NEMP2: variants seen among roughly 807,000 people sequenced by gnomAD.
NEMP2 encodes the protein UPF0571 transmembrane protein.
NEMP2 carries 53 observed loss-of-function variants against 54.2 expected under a neutral mutation model. That is an observed-to-expected ratio of 0.98 (90% CI 0.78 to 1.23). The LOEUF is 1.23. NEMP2 is among the 50% of genes most tolerant of loss of function. The pLI, the probability that NEMP2 is intolerant of heterozygous loss-of-function variation, is 0.00. For missense variants in NEMP2, 455 were observed against 511.3 expected (o/e 0.89, Z 1.06); for synonymous variants, 197 against 190.3 (o/e 1.04, Z -0.29).
At chr2:190,586,874 A>T in the NEMP2 span, among the ~76,000 whole-genome samples, 1 of 152,214 alleles carries the variant, frequency 6.6e-6, no homozygotes, top group Non-Finnish European at 1.5e-5. The surrounding 1 kb of genome is among the most constrained non-coding windows in gnomAD (Gnocchi z 4.5). Flanking sequence ...TAATCTATTT[A>T]AAAAATATAT....
At chr2:190,601,060 A>G in the NEMP2 span, among the ~76,000 whole-genome samples, 1 of 152,132 alleles carries the variant, frequency 6.6e-6, no homozygotes, top group Non-Finnish European at 1.5e-5. This position sits in a 1 kb window ranked among gnomAD's most constrained non-coding sequence, Gnocchi z 5.8. Flanking sequence ...TAGTACCTCA[A>G]AATGTGACCC....
the NEMP2 span, among the ~76,000 whole-genome samples, chr2:190,594,683 T>G: frequency 6.6e-6 from 1 of 152,202 alleles, no homozygotes; most frequent in African/African-American, 2.4e-5. The surrounding 1 kb of genome is among the most constrained non-coding windows in gnomAD (Gnocchi z 5.6). Context: ...GCCTCCAGCC[T>G]CAGACTCCTG....
the NEMP2 span, among the ~76,000 whole-genome samples, chr2:190,475,154 C>G: frequency 3.3e-5 from 5 of 152,150 alleles, no homozygotes; most frequent in East Asian, 1.9e-4. Flanking sequence ...AAAACTGACA[C>G]AAGACAGGGA....
chr2:190,464,918 G>C, the NEMP2 span: 1 of 980,298 alleles, frequency 1.0e-6, no homozygotes, highest in Non-Finnish European at 1.2e-6. Context: ...TGGGGGTGGG[G>C]GAGGGTGGAT....
chr2:190,602,705 T>C, the NEMP2 span, among the ~76,000 whole-genome samples: 1 of 152,146 alleles, frequency 6.6e-6, no homozygotes, highest in African/African-American at 2.4e-5. Context: ...GCTGAACCAG[T>C]CATTGTGGCC....
the NEMP2 span, among the ~76,000 whole-genome samples, chr2:190,485,939 G>T: frequency 6.6e-6 from 1 of 152,128 alleles, no homozygotes; most frequent in African/African-American, 2.4e-5. This position sits in a 1 kb window ranked among gnomAD's most constrained non-coding sequence, Gnocchi z 5.1. Context: ...TTCCATTATG[G>T]ACTGACTTAA....
rs1387560116 is a variant in NEMP2 at position 190,521,139 on chromosome 2, A to G, written c.214-1956T>C. Among the ~76,000 whole-genome samples, 1 of 152,130 alleles carries G rather than the reference A, an allele frequency of 6.6e-6. No homozygotes were observed. Among genetic ancestry groups the G allele is most frequent in the African/African-American group, 2.4e-5 (1 of 41,408 alleles). The stretch of plus-strand genomic sequence containing the variant: ...AAAGTTGCAGTCATTCATACCACAT[A>G]TTACTATTCATTCATTCTTCCACCC... On this transcript the variant is annotated intron_variant, in intron 2 of 8. Coordinates refer to ENST00000409150, the MANE Select transcript of NEMP2 (RefSeq NM_001142645.2). This position sits in a 1 kb window ranked among gnomAD's most constrained non-coding sequence, Gnocchi z 6.2.
At chr2:190,592,883 C>A in the NEMP2 span, among the ~76,000 whole-genome samples, 2 of 152,138 alleles carry the variant, frequency 1.3e-5, no homozygotes, top group Non-Finnish European at 2.9e-5. The surrounding 1 kb of genome is among the most constrained non-coding windows in gnomAD (Gnocchi z 4.4). Context: ...GTAATTAATT[C>A]AAAATGTAAA....
At chr2:190,577,106 G>A in the NEMP2 span, among the ~76,000 whole-genome samples, 1 of 152,332 alleles carries the variant, frequency 6.6e-6, no homozygotes, top group Admixed American at 6.5e-5. The surrounding 1 kb of genome is among the most constrained non-coding windows in gnomAD (Gnocchi z 4.8). Context: ...GAATCAGTAA[G>A]TCCAGTGTGT....
chr2:190,489,875 T>C, the NEMP2 span: 1 of 1,611,076 alleles, frequency 6.2e-7, no homozygotes, highest in South Asian at 1.1e-5. The surrounding 1 kb of genome is among the most constrained non-coding windows in gnomAD (Gnocchi z 6.6). Flanking sequence ...AGGTAATTAT[T>C]TCCATTCTTT....
At chr2:190,615,475 C>T in the NEMP2 span, among the ~76,000 whole-genome samples, 2 of 152,200 alleles carry the variant, frequency 1.3e-5, no homozygotes, top group African/African-American at 2.4e-5. The surrounding 1 kb of genome is among the most constrained non-coding windows in gnomAD (Gnocchi z 4.7). Flanking sequence ...GCTTCCACAC[C>T]TTCTCTGGTG....
the NEMP2 span, among the ~76,000 whole-genome samples, chr2:190,618,366 T>C: frequency 1.3e-5 from 2 of 152,142 alleles, no homozygotes; most frequent in African/African-American, 2.4e-5. Flanking sequence ...AGCACTACAG[T>C]ATATCTCTCA....
the NEMP2 span, among the ~76,000 whole-genome samples, chr2:190,633,344 G>A: frequency 1.2e-4 from 17 of 138,064 alleles, 1 homozygote; most frequent in East Asian, 1.6e-3. Flanking sequence ...ACAGGGTTTC[G>A]CTCTTGTTGC....
At chr2:190,452,646 T>TAC in the NEMP2 span, among the ~76,000 whole-genome samples, 1 of 152,248 alleles carries the variant, frequency 6.6e-6, no homozygotes, top group Non-Finnish European at 1.5e-5. Context: ...TCTCACCTCT[T>TAC]AGTCTTCCTC....
intron 7 of NEMP2, among the ~76,000 whole-genome samples, chr2:190,511,552 AATTT>A (rs1690365675): frequency 7.0e-6 from 1 of 143,612 alleles, no homozygotes; most frequent in Non-Finnish European, 1.5e-5. Flanking sequence ...AATTAAATTT[AATTT>A]TTTTTTTTTT....
At chr2:190,511,729 AT>A (rs1309319553) in intron 7 of NEMP2, among the ~76,000 whole-genome samples, 2 of 150,286 alleles carry the variant, frequency 1.3e-5, no homozygotes, top group African/African-American at 2.4e-5. Flanking sequence ...TAATTTGTGT[AT>A]TTTTTAGTAG....
At chr2:190,501,065 T>TA, downstream of NEMP2, 1 of 152,358 alleles carries the variant, frequency 6.6e-6, no homozygotes, top group Non-Finnish European at 1.5e-5. Flanking sequence ...TTTACTATCT[T>TA]ATAGTAATTC....
At chr2:190,601,220 T>C in the NEMP2 span, among the ~76,000 whole-genome samples, 2 of 152,034 alleles carry the variant, frequency 1.3e-5, no homozygotes, top group African/African-American at 4.8e-5. This position sits in a 1 kb window ranked among gnomAD's most constrained non-coding sequence, Gnocchi z 5.8. Context: ...TGTGTGAAGA[T>C]TGGAGTTATG....
At chr2:190,547,434 G>C in the NEMP2 span, among the ~76,000 whole-genome samples, 4 of 152,194 alleles carry the variant, frequency 2.6e-5, no homozygotes, top group African/African-American at 9.6e-5. The surrounding 1 kb of genome is among the most constrained non-coding windows in gnomAD (Gnocchi z 6.2). Flanking sequence ...CACCAATTAT[G>C]TATTTTTCCC....
Sources: gnomAD v4.1 joint callset for allele counts (sites outside exome capture counted in the v4.1 genomes callset) on GRCh38, gnomAD v4.1.1 for gene constraint, Gnocchi (gnomAD v3.1) non-coding constraint, MANE v1.5 for transcripts, NCBI Gene and HGNC (gene_info 2026-07-23, HGNC 2026-07-21) for gene names.